The following NEK1 variants were observed in gnomAD, a reference collection of about 807,000 sequenced individuals.
NEK1 encodes serine/threonine-protein kinase Nek1.
NEK1 carries 137 observed loss-of-function variants against 182.1 expected under a neutral mutation model. That is an observed-to-expected ratio of 0.75 (90% confidence interval 0.65 to 0.87). NEK1 has a LOEUF of 0.87. Ranked by LOEUF, NEK1 falls within the 40% of genes least tolerant of loss-of-function variation. The probability of loss-of-function intolerance (pLI) is 0.00; values close to 1 mark genes in which losing one functional copy is unlikely to be tolerated. For missense variants in NEK1, 1,391 were observed against 1,494.4 expected, an observed-to-expected ratio of 0.93 and a Z score of 1.14; for synonymous variants, 513 against 492.2, an observed-to-expected ratio of 1.04 and a Z score of -0.56.
intron 18 of NEK1, among the ~76,000 whole-genome samples, chr4:169,550,309 A>T (rs1327995587): frequency 6.6e-6 from 1 of 152,200 alleles, no homozygotes; most frequent in East Asian, 1.9e-4. Context: ...GCCATGTGGA[A>T]CTGTGATTCC....
At chr4:169,609,618 T>C (rs1285203504) in intron 2 of NEK1, among the ~76,000 whole-genome samples, 2 of 149,986 alleles carry the variant, frequency 1.3e-5, no homozygotes, top group Non-Finnish European at 1.5e-5. Context: ...CATATGTATA[T>C]ATATACACAC....
intron 19 of NEK1, among the ~76,000 whole-genome samples, chr4:169,510,566 A>G (rs989863619): frequency 1.3e-5 from 2 of 151,978 alleles, no homozygotes; most frequent in African/African-American, 4.8e-5. Context: ...AACTCATCCT[A>G]CCTCTAGTCT....
At chr4:169,578,459 G>A (rs1174198559) in intron 11 of NEK1, among the ~76,000 whole-genome samples, 1 of 151,976 alleles carries the variant, frequency 6.6e-6, no homozygotes, top group Non-Finnish European at 1.5e-5. Flanking sequence ...TTTTTAGGAG[G>A]GGAAAGGAGA....
At chr4:169,409,057 C>T (rs1191634875) in intron 31 of NEK1, among the ~76,000 whole-genome samples, 1 of 152,168 alleles carries the variant, frequency 6.6e-6, no homozygotes, top group Non-Finnish European at 1.5e-5. Context: ...TACTGTGTTC[C>T]ATAGTGGTTG....
chr4:169,420,340 T>C (rs1261578140), intron 31 of NEK1, among the ~76,000 whole-genome samples: 2 of 152,156 alleles, frequency 1.3e-5, no homozygotes, highest in Non-Finnish European at 2.9e-5. Context: ...CGTAGAACAC[T>C]CCAAAATAAT....
intron 27 of NEK1, among the ~76,000 whole-genome samples, chr4:169,447,109 A>G (rs572869277): frequency 6.6e-6 from 1 of 152,200 alleles, no homozygotes; most frequent in African/African-American, 2.4e-5. Context: ...CACCAAGCAG[A>G]TGTAATCCAA....
At chr4:169,534,490 A>C (rs1758150824) in intron 19 of NEK1, among the ~76,000 whole-genome samples, 1 of 152,210 alleles carries the variant, frequency 6.6e-6, no homozygotes, top group Non-Finnish European at 1.5e-5. Context: ...AAGGGTGCTC[A>C]AGATCTAAAG....
At position 169,544,628 on chromosome 4, in the gene NEK1, T is replaced by C. The variant is rs192294321; in HGVS notation, c.1563-6717A>G. ...TTTTTTTTTTTTTTTTTTTTTTGCT[T>C]GGTAGGCTATTAATTACTGCCTCAA... On this transcript the variant is annotated intron_variant, in intron 18 of 35. Coordinates refer to ENST00000507142, the MANE Select transcript of NEK1 (RefSeq NM_001199397.3). Among the ~76,000 whole-genome samples the C allele has an allele frequency of 9.9e-3, 1,097 of 110,614 alleles. 15 individuals are homozygous for C. Among genetic ancestry groups the C allele is most frequent in the African/African-American group, 0.033 (1,035 of 30,988 alleles). The allele number at this position is 110,614 out of a possible 152,430, so 72.6% of individuals were successfully genotyped here. A position where few individuals can be genotyped will look rare whatever the true frequency, so the allele number is the denominator to read the frequency against.
chr4:169,433,397 A>G, intron 29 of NEK1, 148 bp downstream of exon 29: 1 of 734,478 alleles, frequency 1.4e-6, no homozygotes, highest in East Asian at 2.9e-5. Flanking sequence ...TTTCTGAACC[A>G]TATGAATATC....
intron 9 of NEK1, among the ~76,000 whole-genome samples, chr4:169,586,683 T>C (rs1420162732): frequency 6.6e-6 from 1 of 151,932 alleles, no homozygotes; most frequent in East Asian, 1.9e-4. Flanking sequence ...CCATCCCACA[T>C]TACTTTGTCA....
intron 27 of NEK1, among the ~76,000 whole-genome samples, chr4:169,439,774 C>T (rs935950987): frequency 2.7e-5 from 4 of 150,758 alleles, no homozygotes; most frequent in Admixed American, 1.3e-4. Flanking sequence ...ATCAGTACAG[C>T]GTCCAGATAT....
intron 27 of NEK1, among the ~76,000 whole-genome samples, chr4:169,441,638 G>A (rs897903216): frequency 2.6e-5 from 4 of 152,206 alleles, no homozygotes. Flanking sequence ...TACTGCCTTG[G>A]CAAAGGCCTG....
At chr4:169,562,234 T>C in intron 12 of NEK1, 38 bp from the exon 13 acceptor site, 1 of 1,406,162 alleles carries the variant, frequency 7.1e-7, no homozygotes. Context: ...AATAAAGATT[T>C]TGAGGCACTT....
intron 18 of NEK1, chr4:169,554,527 CCTTAAATGCATAT>C (rs1232800401): frequency 6.6e-6 from 1 of 150,526 alleles, no homozygotes; most frequent in Non-Finnish European, 1.5e-5. Context: ...TACGGAGGCA[CCTTAAATGCATAT>C]TAGTAAGTGA....
chr4:169,598,109 C>T (rs1285026620), intron 5 of NEK1, among the ~76,000 whole-genome samples: 1 of 152,008 alleles, frequency 6.6e-6, no homozygotes, highest in Non-Finnish European at 1.5e-5. Flanking sequence ...AGAAGACTTT[C>T]CATTTCTGTA....
At chr4:169,565,200 T>C (rs981131271) in intron 12 of NEK1, among the ~76,000 whole-genome samples, 2 of 152,308 alleles carry the variant, frequency 1.3e-5, no homozygotes, top group Non-Finnish European at 2.9e-5. Context: ...GCTTTCAAAC[T>C]TTTTCTAAAG....
chr4:169,526,769 G>A (rs1403492671), intron 19 of NEK1, among the ~76,000 whole-genome samples: 2 of 152,140 alleles, frequency 1.3e-5, no homozygotes, highest in East Asian at 3.9e-4. Flanking sequence ...CACATATTGG[G>A]TTTAAGACCT....
intron 35 of NEK1, among the ~76,000 whole-genome samples, chr4:169,399,305 A>G (rs72691026): frequency 0.094 from 14,212 of 151,988 alleles, 820 homozygotes; most frequent in African/African-American, 0.16. Context: ...GGCCAGGCGC[A>G]GTGGCTCACA....
chr4:169,499,756 TG>T (rs1226625166), intron 23 of NEK1, among the ~76,000 whole-genome samples: 1 of 152,210 alleles, frequency 6.6e-6, no homozygotes, highest in African/African-American at 2.4e-5. Context: ...ATCATTCCTC[TG>T]GAAGTTTTGT....
Sources: gnomAD v4.1 joint callset for allele counts (sites outside exome capture counted in the v4.1 genomes callset) on GRCh38, gnomAD v4.1.1 for gene constraint, MANE v1.5 for transcripts, NCBI Gene and HGNC (gene_info 2026-07-23, HGNC 2026-07-21) for gene names.